The following ETS1 variants were observed in gnomAD, a reference collection of about 807,000 sequenced individuals.
The protein encoded by ETS1 is ETS proto-oncogene 1, transcription factor.
A neutral mutation model predicts 58.6 loss-of-function variants in ETS1; 15 were observed. The ratio of observed to expected loss-of-function variants is 0.26; its 90% confidence interval spans 0.17 to 0.39. The LOEUF (loss-of-function observed/expected upper bound fraction) is 0.39. ETS1 is among the 10% of genes least tolerant of loss of function. The pLI is 1.00. For synonymous variants in ETS1, 214 were observed against 218.2 expected, an observed-to-expected ratio of 0.98 and a Z score of 0.17; for missense variants, 417 against 610.5, an observed-to-expected ratio of 0.68 and a Z score of 3.34.
At chr11:128,512,295 A>G (rs1313523219) in intron 3 of ETS1, among the ~76,000 whole-genome samples, 1 of 152,212 alleles carries the variant, frequency 6.6e-6, no homozygotes, top group Non-Finnish European at 1.5e-5. Flanking sequence ...TAAACAGAAC[A>G]TGAGGAAAAA....
Position 128,573,075 on chromosome 11 carries a change from C to G in ETS1, c.56G>C (p.Arg19Pro). The change falls in exon 2 of 10, where the codon CGT (arginine) becomes CCT (proline). Residue 19 changes from arginine to proline, a missense_variant. Coordinates refer to ENST00000392668, the MANE Select transcript of ETS1 (RefSeq NM_001143820.2). ...GCCACCACTCACCACCACTGCAGGA[C>G]GAGGCGCTGAGTAAGGGACGGGGCT... ...GSSPVPYSAP[R>P]PAVVRQGPSN... The G allele has an allele frequency of 6.2e-7, 1 of 1,604,568 alleles. No homozygotes were observed. The highest frequency in any genetic ancestry group is 2.2e-5 in the East Asian group (1 of 44,624).
At chr11:128,572,516 C>T (rs566622036) in intron 2 of ETS1, among the ~76,000 whole-genome samples, 1 of 152,322 alleles carries the variant, frequency 6.6e-6, no homozygotes, top group African/African-American at 2.4e-5. Flanking sequence ...CAGCATATAG[C>T]TTGGGCAAGG....
chr11:128,473,315 G>T (rs1409166889), intron 8 of ETS1, among the ~76,000 whole-genome samples: 1 of 152,158 alleles, frequency 6.6e-6, no homozygotes, highest in Non-Finnish European at 1.5e-5. Context: ...AAAAATAAAA[G>T]GTTTGGAGAA....
intron 1 of ETS1, among the ~76,000 whole-genome samples, chr11:128,585,100 AAAGG>A (rs1304220663): frequency 6.8e-5 from 2 of 29,378 alleles, no homozygotes; most frequent in Non-Finnish European, 1.2e-4. Context: ...GGAAAGAAAG[AAAGG>A]AAGGAAGGAA....
At chr11:128,535,339 A>G (rs1434319247) in intron 3 of ETS1, among the ~76,000 whole-genome samples, 1 of 152,204 alleles carries the variant, frequency 6.6e-6, no homozygotes, top group Admixed American at 6.5e-5. Context: ...CCTTTGTCAA[A>G]TGGATAGAGT....
chr11:128,472,617 C>G (rs992166775), intron 8 of ETS1, among the ~76,000 whole-genome samples: 2 of 152,200 alleles, frequency 1.3e-5, no homozygotes, highest in Admixed American at 6.5e-5. Context: ...CACACCAGCA[C>G]CCCTCATCCT....
At chr11:128,522,734 C>T (rs1051667762) in intron 3 of ETS1, among the ~76,000 whole-genome samples, 23 of 152,228 alleles carry the variant, frequency 1.5e-4, no homozygotes, top group Non-Finnish European at 2.9e-4. Context: ...CCAGTAGCAG[C>T]ATAGTTTTCC....
At chr11:128,567,696 G>C (rs911328854) in intron 2 of ETS1, among the ~76,000 whole-genome samples, 1 of 152,056 alleles carries the variant, frequency 6.6e-6, no homozygotes, top group African/African-American at 2.4e-5. Flanking sequence ...GCAGTGGCAT[G>C]CTCTTGCCTC....
chr11:128,463,542 A>T lies in ETS1; in HGVS notation c.1209T>A (p.Asp403Glu). The part of the protein sequence containing the change: ...SCQSFISWTG[D>E]GWEFKLSDPD... ...GGTCAGAAAGTTTGAATTCCCAGCC[A>T]TCTCCTGTCCAGCTGATAAAAGACT... The change falls in exon 9 of 10, where the codon GAT (aspartate) becomes GAA (glutamate). Residue 403 changes from aspartate to glutamate, a missense_variant. By Grantham distance (45) the Asp-to-Glu change is conservative (BLOSUM62 2). Coordinates refer to ENST00000392668, the MANE Select transcript of ETS1 (RefSeq NM_001143820.2). The surrounding 1 kb of genome is among the most constrained non-coding windows in gnomAD (Gnocchi z 4.1). 6.2e-7 allele frequency: 1 copy of T among 1,611,558 alleles called. No homozygotes were observed. Among genetic ancestry groups the T allele is most frequent in the Non-Finnish European group, 8.5e-7 (1 of 1,177,646 alleles).
At chr11:128,558,553 G>A (rs1036570772) in intron 2 of ETS1, among the ~76,000 whole-genome samples, 1 of 151,342 alleles carries the variant, frequency 6.6e-6, no homozygotes, top group African/African-American at 2.4e-5. Flanking sequence ...ACTGAGGCAG[G>A]AGAATCGCTT....
At chr11:128,537,491 C>A (rs1185993708) in intron 3 of ETS1, among the ~76,000 whole-genome samples, 2 of 152,074 alleles carry the variant, frequency 1.3e-5, no homozygotes, top group African/African-American at 2.4e-5. Context: ...GGAATTAAAT[C>A]GCAGTTGGGA....
intron 7 of ETS1, among the ~76,000 whole-genome samples, chr11:128,483,015 A>G (rs1862531986): frequency 6.6e-6 from 1 of 152,240 alleles, no homozygotes; most frequent in Non-Finnish European, 1.5e-5. Context: ...ATCAGCTAAC[A>G]GTAATGCTTT....
chr11:128,484,732 A>G, intron 7 of ETS1, 91 bp downstream of exon 7: 3 of 1,257,984 alleles, frequency 2.4e-6, no homozygotes, highest in Non-Finnish European at 3.3e-6. Flanking sequence ...GGTCTAATAA[A>G]TAAGAAAAAA....
rs1459307844 is a variant in ETS1, at chr11:128,460,739, G to A, written c.*1622C>T. The A allele has an allele frequency of 6.6e-6, 1 of 152,288 alleles. No individual in the cohort carries two copies. The highest frequency in any genetic ancestry group is 1.5e-5 in the Non-Finnish European group (1 of 68,022). 9.4% of individuals were successfully genotyped at this position (152,288 alleles called of 1,614,324 possible). A position where few individuals can be genotyped will look rare whatever the true frequency, so the allele number is the denominator to read the frequency against. ...CTATGTTTGTATTTAAACCTTGGGGGAACTAAAAATCTATTCAAATCTCAT... is the reference window on the plus strand; with the variant it reads ...CTATGTTTGTATTTAAACCTTGGGGAAACTAAAAATCTATTCAAATCTCAT... On this transcript the variant is annotated 3_prime_UTR_variant, in exon 10 of 10. Coordinates refer to ENST00000392668, the MANE Select transcript of ETS1 (RefSeq NM_001143820.2).
intron 5 of ETS1, 135 bp from the exon 6 acceptor site, chr11:128,486,281 G>A: frequency 1.6e-6 from 1 of 608,502 alleles, no homozygotes; most frequent in Non-Finnish European, 3.0e-6. Flanking sequence ...TAACTGGGTT[G>A]GTATCTGAGT....
intron 8 of ETS1, among the ~76,000 whole-genome samples, chr11:128,479,628 A>G (rs556116070): frequency 9.9e-5 from 15 of 152,280 alleles, no homozygotes; most frequent in African/African-American, 3.6e-4. Context: ...CTGGAAGAAA[A>G]CTGATAATAA....
chr11:128,508,964 G>A (rs1425746624), intron 3 of ETS1, among the ~76,000 whole-genome samples: 3 of 152,156 alleles, frequency 2.0e-5, no homozygotes, highest in African/African-American at 7.2e-5. Flanking sequence ...ATCACTCTCT[G>A]CCTGCACCAT....
chr11:128,494,690 C>G (rs1183088973), intron 3 of ETS1, among the ~76,000 whole-genome samples: 1 of 152,190 alleles, frequency 6.6e-6, no homozygotes, highest in African/African-American at 2.4e-5. Flanking sequence ...CCGAATGGCT[C>G]TTACCAACAA....
At chr11:128,519,625 C>G (rs1431331159) in intron 3 of ETS1, among the ~76,000 whole-genome samples, 2 of 152,220 alleles carry the variant, frequency 1.3e-5, no homozygotes, top group African/African-American at 4.8e-5. Flanking sequence ...ACCGTTTCTC[C>G]CATCCTTGCT....
Sources: allele counts gnomAD v4.1 joint callset (sites outside exome capture counted in the v4.1 genomes callset), GRCh38; gene constraint gnomAD v4.1.1; non-coding constraint Gnocchi (gnomAD v3.1); transcripts MANE v1.5; gene names NCBI Gene and HGNC (gene_info 2026-07-23, HGNC 2026-07-21).